The following GBF1 variants were observed in gnomAD, a reference collection of about 807,000 sequenced individuals.
GBF1 encodes the protein Golgi-specific brefeldin A-resistance guanine nucleotide exchange factor 1.
GBF1 carries 114 observed loss-of-function variants against 210.5 expected under a neutral mutation model. The observed-to-expected ratio is 0.54, with a 90% CI of 0.47 to 0.63. The LOEUF (loss-of-function observed/expected upper bound fraction) is 0.63, where lower values mean the gene tolerates loss of function less well. Ranked by LOEUF, GBF1 falls within the 30% of genes least tolerant of loss-of-function variation. The probability of loss-of-function intolerance (pLI) is 0.00; values close to 1 mark genes in which losing one functional copy is unlikely to be tolerated. For missense variants in GBF1, 1,851 were observed against 2,357.7 expected (o/e 0.79, Z 4.45); for synonymous variants, 850 against 889.2 (o/e 0.96, Z 0.78).
At chr10:102,344,838 G>A (rs999168797) in intron 4 of GBF1, among the ~76,000 whole-genome samples, 1 of 152,130 alleles carries the variant, frequency 6.6e-6, no homozygotes, top group Admixed American at 6.6e-5. Context: ...ATTATAAGAA[G>A]ACAGACAATA....
Position 102,375,589 on chromosome 10 carries a change from GCCCTT to G in GBF1, c.3886+6_3886+10del, listed in dbSNP as rs1167881119. On this transcript the variant is annotated splice_donor_region_variant and intron_variant, in intron 30 of 39. Transcript: ENST00000369983. ...GGGCAGATGCACCTGATGCCGGTAA[GCCCTT>G]TCCCAGGGAGACTCAGGCTGGCAGA... 3 of 1,594,220 alleles carry G rather than the reference GCCCTT, an allele frequency of 1.9e-6. No homozygotes were observed. The African/African-American group carries it at 4.0e-5, about 21-fold the overall frequency.
rs748468698 is a variant in GBF1, at chr10:102,382,324, T to C, written c.5571T>C (p.Ser1857=). ...GCCCCACAGATCCCATACCCACCTC[T>C]GAGGTCAACTAAGGCAGGTCACTCA... ...TPRPTDPIPT[S]EVN The change falls in exon 40 of 40, where the codon TCT becomes TCC. Residue 1857 remains serine, a synonymous_variant. Coordinates refer to ENST00000369983, the MANE Select transcript of GBF1 (RefSeq NM_001377137.1). The C allele has an allele frequency of 6.2e-7, 1 of 1,608,966 alleles. No homozygotes were observed.
rs566581189 is a variant in GBF1 at position 102,370,664 on chromosome 10, C to A, written c.3507-43C>A. The A allele has an allele frequency of 2.7e-5, 43 of 1,599,750 alleles. No individual in the cohort carries two copies. The East Asian group carries it at 8.7e-4, about 32-fold the overall frequency. ...GCCTAGGGGACCTGTTGCCCAGTGGCCCCTCTGGCTGAGACTATCTTCATT... is the reference window on the plus strand; with the variant it reads ...GCCTAGGGGACCTGTTGCCCAGTGGACCCTCTGGCTGAGACTATCTTCATT... On this transcript the variant is annotated intron_variant, in intron 28 of 39. Transcript: ENST00000369983.
intron 3 of GBF1, among the ~76,000 whole-genome samples, chr10:102,292,841 A>C (rs1163531239): frequency 6.6e-6 from 1 of 152,198 alleles, no homozygotes; most frequent in African/African-American, 2.4e-5. Context: ...GTAAATATAC[A>C]CAGTCTTCTG....
chr10:102,260,029 T>C (rs1385099788), intron 2 of GBF1, 21 bp from the exon 3 acceptor site: 2 of 1,450,724 alleles, frequency 1.4e-6, no homozygotes, highest in South Asian at 2.3e-5. Context: ...AATGACTTAC[T>C]TTAATCTATG....
chr10:102,302,224 A>G (rs1397162066), intron 3 of GBF1, among the ~76,000 whole-genome samples: 2 of 152,198 alleles, frequency 1.3e-5, no homozygotes, highest in African/African-American at 4.8e-5. Flanking sequence ...AGTACAGTCC[A>G]GCTTCGGCTT....
chr10:102,260,473 C>CTTTTTTTTGTTTTTTTTTTTT (rs879575033), intron 3 of GBF1, among the ~76,000 whole-genome samples: 1 of 74,794 alleles, frequency 1.3e-5, no homozygotes, highest in African/African-American at 7.0e-5. Context: ...ATTTTCCTTT[C>CTTTTTTTTGTTTTTTTTTTTT]TTCTTTTTTT....
At chr10:102,337,658 A>C (rs1388052739) in intron 3 of GBF1, among the ~76,000 whole-genome samples, 1 of 152,078 alleles carries the variant, frequency 6.6e-6, no homozygotes, top group African/African-American at 2.4e-5. Flanking sequence ...GCAGTTTGAG[A>C]CCAGCCTGGC....
intron 12 of GBF1, 90 bp from the exon 13 acceptor site, chr10:102,360,932 G>A (rs752678520): frequency 2.2e-5 from 16 of 715,944 alleles, no homozygotes; most frequent in Non-Finnish European, 3.0e-5. Context: ...CTGAGATTGC[G>A]CCACTGCACT....
intron 3 of GBF1, among the ~76,000 whole-genome samples, chr10:102,261,522 A>G (rs2073212445): frequency 6.6e-6 from 1 of 151,558 alleles, no homozygotes; most frequent in Non-Finnish European, 1.5e-5. Flanking sequence ...CATTAGAAAT[A>G]TGGGAGAAGA....
intron 3 of GBF1, among the ~76,000 whole-genome samples, chr10:102,282,822 G>A (rs1266371703): frequency 6.6e-6 from 1 of 152,162 alleles, no homozygotes; most frequent in East Asian, 1.9e-4. Flanking sequence ...GTCTCTAATT[G>A]GGTAGGCTGA....
chr10:102,277,545 A>G (rs2075099357), intron 3 of GBF1, among the ~76,000 whole-genome samples: 1 of 151,938 alleles, frequency 6.6e-6, no homozygotes, highest in Non-Finnish European at 1.5e-5. Context: ...CGCCCAGCTA[A>G]TTTTTGTATT....
the GBF1 span, among the ~76,000 whole-genome samples, chr10:102,232,356 A>T: frequency 1.3e-5 from 2 of 152,170 alleles, no homozygotes; most frequent in Admixed American, 1.3e-4. Flanking sequence ...CCAGGTATAC[A>T]GTTGGGGTTC....
At chr10:102,260,253 A>G (rs1356618414) in intron 3 of GBF1, 137 bp downstream of exon 3, 6 of 489,424 alleles carry the variant, frequency 1.2e-5, no homozygotes, top group Non-Finnish European at 2.2e-5. Context: ...CACAACTGCA[A>G]CTACTTAACT....
chr10:102,330,654 C>G (rs2057270775), intron 3 of GBF1, among the ~76,000 whole-genome samples: 1 of 151,888 alleles, frequency 6.6e-6, no homozygotes, highest in Non-Finnish European at 1.5e-5. Context: ...CCATTGCACT[C>G]CAGCCTGGGC....
chr10:102,380,639 TTC>T lies in GBF1; in HGVS notation c.5129_5130del (p.Leu1710ProfsTer6), dbSNP rs1260659343. Reference sequence around the variant, plus strand: ...ATCACCTGGGAACGCATTGACTGTTTTCTCCCTCACCTACGAGATGAACTCTT... The same window carrying T: ...ATCACCTGGGAACGCATTGACTGTTTTCCCTCACCTACGAGATGAACTCTT... On this transcript the variant is annotated frameshift_variant, in exon 38 of 40. Coordinates refer to ENST00000369983, the MANE Select transcript of GBF1 (RefSeq NM_001377137.1). LOFTEE classifies it high-confidence loss of function. 1 of 1,614,024 alleles carries T rather than the reference TTC, an allele frequency of 6.2e-7. No homozygotes were observed. The highest frequency in any genetic ancestry group is 8.5e-7 in the Non-Finnish European group (1 of 1,179,964).
At chr10:102,338,381 C>T (rs1447170807) in intron 3 of GBF1, among the ~76,000 whole-genome samples, 1 of 151,506 alleles carries the variant, frequency 6.6e-6, no homozygotes, top group African/African-American at 2.4e-5. Context: ...GCTGAGATTA[C>T]AGGCACGTGC....
intron 14 of GBF1, 145 bp downstream of exon 14, chr10:102,362,057 T>A: frequency 2.4e-6 from 1 of 422,424 alleles, no homozygotes; most frequent in Non-Finnish European, 4.1e-6. Context: ...TTTCTTTTTT[T>A]TTTTTTTTTT....
At chr10:102,236,317 T>C in the GBF1 span, among the ~76,000 whole-genome samples, 3 of 152,166 alleles carry the variant, frequency 2.0e-5, no homozygotes, top group African/African-American at 7.2e-5. Context: ...TGGTTGATGC[T>C]AGTAAGAAAT....
Sources: allele counts gnomAD v4.1 joint callset (sites outside exome capture counted in the v4.1 genomes callset), GRCh38; gene constraint gnomAD v4.1.1; transcripts MANE v1.5; gene names NCBI Gene and HGNC (gene_info 2026-07-23, HGNC 2026-07-21).